PRKD1: variants seen among roughly 807,000 people sequenced by gnomAD.
PRKD1 encodes the protein protein kinase D1, also known as serine/threonine-protein kinase D1.
A neutral mutation model predicts 95.9 loss-of-function variants in PRKD1; 63 were observed. That is an observed-to-expected ratio of 0.66 (90% confidence interval 0.54 to 0.81). The LOEUF (loss-of-function observed/expected upper bound fraction) is 0.81. Ranked by LOEUF, PRKD1 falls within the 30% of genes least tolerant of loss-of-function variation. The pLI is 0.00. For synonymous variants in PRKD1, 425 were observed against 423.1 expected, an observed-to-expected ratio of 1.00 and a Z score of -0.05; for missense variants, 1,048 against 1,165.3, an observed-to-expected ratio of 0.90 and a Z score of 1.47.
At chr14:29,859,516 G>A (rs571594405) in intron 1 of PRKD1, among the ~76,000 whole-genome samples, 3 of 151,914 alleles carry the variant, frequency 2.0e-5, no homozygotes, top group East Asian at 1.9e-4. Flanking sequence ...GCTGAGGCAG[G>A]AGAATGGCAT....
chr14:29,771,027 T>A (rs1201095836), intron 1 of PRKD1, among the ~76,000 whole-genome samples: 1 of 151,240 alleles, frequency 6.6e-6, no homozygotes, highest in Non-Finnish European at 1.5e-5. Flanking sequence ...ACAACACAGC[T>A]CCTCTCTAAA....
chr14:29,734,065 C>T (rs1033901071), intron 1 of PRKD1, among the ~76,000 whole-genome samples: 9 of 88,142 alleles, frequency 1.0e-4, no homozygotes, highest in Admixed American at 2.8e-4. Flanking sequence ...TTTTTTGAGT[C>T]GGAGTCTAGC....
At position 29,771,978 on chromosome 14, in the gene PRKD1, T is replaced by G. The variant is rs139057827; in HGVS notation, c.265-46304A>C. Among the ~76,000 whole-genome samples, 8 of 152,346 alleles carry G rather than the reference T, an allele frequency of 5.3e-5. No homozygotes were observed. The East Asian group carries it at 1.5e-3, about 29-fold the overall frequency. The stretch of plus-strand genomic sequence containing the variant: ...CTGTTCCACCACTGTATTTTCAAAA[T>G]GCATAATTTGTTTGATTTCACAGGC... On this transcript the variant is annotated intron_variant, in intron 1 of 17. Transcript: ENST00000331968.
chr14:29,898,147 G>C (rs901446155), intron 1 of PRKD1, among the ~76,000 whole-genome samples: 3 of 151,988 alleles, frequency 2.0e-5, no homozygotes, highest in Admixed American at 6.6e-5. Flanking sequence ...GAAGTCAGTG[G>C]TATATCCCTC....
chr14:29,866,437 C>T (rs45616139), intron 1 of PRKD1, among the ~76,000 whole-genome samples: 4,855 of 152,182 alleles, frequency 0.032, 250 homozygotes, highest in African/African-American at 0.11. Context: ...AATATTTTCC[C>T]CATGTCTTTC....
At chr14:29,596,465 T>C (rs2139003904) in intron 16 of PRKD1, among the ~76,000 whole-genome samples, 1 of 152,334 alleles carries the variant, frequency 6.6e-6, no homozygotes, top group African/African-American at 2.4e-5. Context: ...GTCACTTCTT[T>C]TTTTTTGAGA....
At chr14:29,740,973 A>G (rs1399001679) in intron 1 of PRKD1, among the ~76,000 whole-genome samples, 1 of 152,260 alleles carries the variant, frequency 6.6e-6, no homozygotes, top group Non-Finnish European at 1.5e-5. Context: ...ATGGAGCTGC[A>G]GGACATTATC....
At chr14:29,682,221 T>C (rs1204343148) in intron 2 of PRKD1, among the ~76,000 whole-genome samples, 1 of 152,212 alleles carries the variant, frequency 6.6e-6, no homozygotes, top group African/African-American at 2.4e-5. Flanking sequence ...ATGCCACATC[T>C]GGGAATATCA....
At chr14:29,817,182 A>G (rs929154995) in intron 1 of PRKD1, among the ~76,000 whole-genome samples, 3 of 152,214 alleles carry the variant, frequency 2.0e-5, no homozygotes, top group Admixed American at 1.3e-4. Flanking sequence ...TGTTCTTCAC[A>G]AGAACTACAG....
chr14:29,847,207 G>T (rs1855647004), intron 1 of PRKD1, among the ~76,000 whole-genome samples: 1 of 152,146 alleles, frequency 6.6e-6, no homozygotes, highest in African/African-American at 2.4e-5. Context: ...TCCAAGAGCT[G>T]TGCCAAGGAC....
intron 1 of PRKD1, among the ~76,000 whole-genome samples, chr14:29,779,795 T>G (rs1391476476): frequency 6.6e-6 from 1 of 152,166 alleles, no homozygotes; most frequent in Non-Finnish European, 1.5e-5. Context: ...TACTTTAAAG[T>G]TCATATGGAA....
At position 29,638,524 on chromosome 14, in the gene PRKD1, G is replaced by A; in HGVS notation, c.950C>T (p.Pro317Leu). The A allele has an allele frequency of 6.2e-7, 1 of 1,614,148 alleles. No homozygotes were observed. The highest frequency in any genetic ancestry group is 1.3e-5 in the African/African-American group (1 of 75,022). The part of the protein sequence containing the change: ...NCHKRCAPKV[P>L]NNCLGEVTIN... ...GGTCACTTCGCCAAGGCAGTTGTTT[G>A]GTACTTTCGGTGCACAACGTTTATG... The change falls in exon 6 of 18, where the codon CCA becomes CTA. Residue 317 changes from proline (P) to leucine (L), a missense_variant. Physicochemically the swap from Pro to Leu is moderately conservative, Grantham distance 98. This residue lies in a region of PRKD1 where 739 missense variants were observed against 861.9 expected (regional missense o/e 0.86). Coordinates refer to ENST00000331968, the MANE Select transcript of PRKD1 (RefSeq NM_002742.3).
intron 1 of PRKD1, among the ~76,000 whole-genome samples, chr14:29,814,336 T>C (rs145187544): frequency 1.1e-3 from 173 of 152,324 alleles, no homozygotes; most frequent in African/African-American, 4.0e-3. Flanking sequence ...CATCTTCCTC[T>C]TTCCAAGTTT....
chr14:29,861,496 A>G (rs374356965), intron 1 of PRKD1, among the ~76,000 whole-genome samples: 5 of 152,326 alleles, frequency 3.3e-5, no homozygotes, highest in East Asian at 3.9e-4. Context: ...AATGCATAAT[A>G]ATCACATCAT....
intron 2 of PRKD1, among the ~76,000 whole-genome samples, chr14:29,690,112 G>A (rs974139586): frequency 6.6e-6 from 1 of 151,712 alleles, no homozygotes; most frequent in Non-Finnish European, 1.5e-5. Context: ...CATGTATCCC[G>A]GAACTTAAAA....
Position 29,852,814 on chromosome 14 carries a change from G to A in PRKD1, c.264+74435C>T, listed in dbSNP as rs555801416. Among the ~76,000 whole-genome samples, 7 of 152,238 alleles carry A rather than the reference G, an allele frequency of 4.6e-5. No homozygotes were observed. The East Asian group carries it at 1.4e-3, about 29-fold the overall frequency. ...CAATGAAACACAAAGGGAGACTAAT[G>A]CAGAAAATGAGAGAAGGCTAGAAAG... On this transcript the variant is annotated intron_variant, in intron 1 of 17. Coordinates refer to ENST00000331968, the MANE Select transcript of PRKD1 (RefSeq NM_002742.3).
At chr14:29,620,404 G>C (rs1229214200) in intron 13 of PRKD1, among the ~76,000 whole-genome samples, 2 of 149,696 alleles carry the variant, frequency 1.3e-5, no homozygotes, top group Admixed American at 6.7e-5. Flanking sequence ...CAAAATGGGA[G>C]AAAATTTTCG....
At chr14:29,908,023 AGATAT>A (rs1370288210) in intron 1 of PRKD1, among the ~76,000 whole-genome samples, 6 of 152,216 alleles carry the variant, frequency 3.9e-5, no homozygotes, top group Admixed American at 3.9e-4. Context: ...TGAAACTGTT[AGATAT>A]ATTTCATATG....
At chr14:29,763,490 G>T (rs918291183) in intron 1 of PRKD1, among the ~76,000 whole-genome samples, 2 of 125,290 alleles carry the variant, frequency 1.6e-5, no homozygotes, top group African/African-American at 6.0e-5. Flanking sequence ...AGGGAGGAAG[G>T]GAGGGAGGGA....
Sources: allele counts gnomAD v4.1 joint callset (sites outside exome capture counted in the v4.1 genomes callset), GRCh38; gene constraint gnomAD v4.1.1; regional missense constraint gnomAD v4.1.1; transcripts MANE v1.5; gene names NCBI Gene and HGNC (gene_info 2026-07-23, HGNC 2026-07-21).